Variants in NRG3 observed in about 807,000 individuals in gnomAD.
NRG3 encodes neuregulin 3.
A neutral mutation model predicts 66.9 loss-of-function variants in NRG3; 31 were observed. The observed-to-expected ratio is 0.46, with a 90% confidence interval of 0.35 to 0.63. The LOEUF (loss-of-function observed/expected upper bound fraction) is 0.63, where lower values mean the gene tolerates loss of function less well. Among genes scored for constraint, NRG3 ranks in the 20% least tolerant of loss-of-function variants. The probability of loss-of-function intolerance (pLI) is 0.00; values close to 1 mark genes in which losing one functional copy is unlikely to be tolerated. For missense variants in NRG3, 910 were observed against 878.9 expected, an observed-to-expected ratio of 1.04 and a Z score of -0.45; for synonymous variants, 393 against 359.4, an observed-to-expected ratio of 1.09 and a Z score of -1.06.
Position 82,973,833 on chromosome 10 carries a change from A to G in NRG3, c.1330A>G (p.Met444Val), listed in dbSNP as rs751975528. The change falls in exon 7 of 9, where the codon ATG becomes GTG. Residue 444 changes from methionine (M) to valine (V), a missense_variant. Transcript: ENST00000372141. ...RHPVTALEKM[M>V]ESSFVGPQSF... The stretch of plus-strand genomic sequence containing the variant: ...TCCTGTGACTGCATTGGAGAAAATG[A>G]TGGAGTCAAGTTTTGTCGGCCCCCA... 6.2e-7 allele frequency: 1 copy of G among 1,614,022 alleles called. No individual in the cohort carries two copies. Among genetic ancestry groups the G allele is most frequent in the Admixed American group, 1.7e-5 (1 of 59,994 alleles).
chr10:82,123,016 A>G (rs1198891550), intron 1 of NRG3, among the ~76,000 whole-genome samples: 1 of 149,904 alleles, frequency 6.7e-6, no homozygotes, highest in African/African-American at 2.4e-5. Flanking sequence ...AAAAAAAAAA[A>G]CACATAAGAA....
At chr10:82,816,191 T>A (rs965362327) in intron 3 of NRG3, among the ~76,000 whole-genome samples, 3 of 152,278 alleles carry the variant, frequency 2.0e-5, no homozygotes, top group South Asian at 4.2e-4. Flanking sequence ...AGGTGAGGTG[T>A]TTCAGCCATG....
intron 2 of NRG3, among the ~76,000 whole-genome samples, chr10:82,722,232 T>C (rs1306706169): frequency 6.6e-6 from 1 of 152,244 alleles, no homozygotes; most frequent in Non-Finnish European, 1.5e-5. Context: ...TGTTGAAACA[T>C]GCTCTTTATT....
chr10:82,961,652 C>T (rs1265170263), intron 6 of NRG3, among the ~76,000 whole-genome samples: 1 of 152,118 alleles, frequency 6.6e-6, no homozygotes, highest in African/African-American at 2.4e-5. Context: ...TAGTGGGTAG[C>T]GGTCATTGGC....
At chr10:82,259,453 A>C (rs868371951) in intron 1 of NRG3, among the ~76,000 whole-genome samples, 1 of 152,198 alleles carries the variant, frequency 6.6e-6, no homozygotes. Flanking sequence ...CAGGATGTTT[A>C]TGAAAATTCC....
At chr10:82,367,976 C>A (rs927102391) in intron 2 of NRG3, among the ~76,000 whole-genome samples, 3 of 152,104 alleles carry the variant, frequency 2.0e-5, no homozygotes, top group Non-Finnish European at 4.4e-5. Flanking sequence ...GCACTCCAGC[C>A]TAGGTGACAG....
chr10:82,625,294 T>TA (rs1565140438), intron 2 of NRG3, among the ~76,000 whole-genome samples: 1 of 151,606 alleles, frequency 6.6e-6, no homozygotes, highest in South Asian at 2.1e-4. Flanking sequence ...TGCTTTTAGT[T>TA]AGAAAAGAAA....
chr10:82,680,782 A>G (rs2134118407), intron 2 of NRG3, among the ~76,000 whole-genome samples: 1 of 152,356 alleles, frequency 6.6e-6, no homozygotes, highest in South Asian at 2.1e-4. Flanking sequence ...CCCTAGTTTC[A>G]CTAGGCAGTT....
rs538617420 is a variant in NRG3, at chr10:82,686,895, G to A, written c.954-51682G>A. ...TGCATATTTTAGCTCTGAAGAGAACGATAACAGAACTTGACTGGGAGTTGT... is the reference window on the plus strand; with the variant it reads ...TGCATATTTTAGCTCTGAAGAGAACAATAACAGAACTTGACTGGGAGTTGT... On this transcript the variant is annotated intron_variant, in intron 2 of 8. Transcript: ENST00000372141. Among the ~76,000 whole-genome samples, 8 of 152,278 alleles carry A rather than the reference G, an allele frequency of 5.3e-5. No homozygotes were observed. The South Asian group carries it at 6.2e-4, about 12-fold the overall frequency.
intron 1 of NRG3, among the ~76,000 whole-genome samples, chr10:82,094,858 T>C (rs2066236633): frequency 1.3e-5 from 2 of 152,044 alleles, no homozygotes; most frequent in Non-Finnish European, 2.9e-5. Flanking sequence ...GGACATACAG[T>C]ATGGAATAAT....
intron 1 of NRG3, among the ~76,000 whole-genome samples, chr10:81,917,841 T>C (rs970466113): frequency 1.3e-5 from 2 of 152,168 alleles, no homozygotes; most frequent in East Asian, 1.9e-4. Flanking sequence ...GCAGGAATCA[T>C]TGTGAGCTTT....
chr10:82,267,833 A>G (rs1371758236), intron 1 of NRG3, among the ~76,000 whole-genome samples: 2 of 152,120 alleles, frequency 1.3e-5, no homozygotes, highest in African/African-American at 4.8e-5. Context: ...CTCTCACTAC[A>G]TTTGTGGTGG....
chr10:82,708,467 T>C (rs531359288), intron 2 of NRG3, among the ~76,000 whole-genome samples: 34 of 152,328 alleles, frequency 2.2e-4, no homozygotes, highest in Admixed American at 1.8e-3. Flanking sequence ...TCCTCTCACT[T>C]GCCATCCTCA....
chr10:82,711,535 TTGTGTGTGTGTG>T (rs10603040), intron 2 of NRG3, among the ~76,000 whole-genome samples: 4 of 148,392 alleles, frequency 2.7e-5, no homozygotes, highest in Non-Finnish European at 4.5e-5. Context: ...ATCTGTGTGT[TTGTGTGTGTGTG>T]TGTGTGTGTG....
In NRG3 at chr10:82,726,418, C is replaced by T. The variant is rs771056942; in HGVS notation, c.954-12159C>T. Among the ~76,000 whole-genome samples the T allele has an allele frequency of 3.6e-4, 54 of 152,014 alleles. 1 individual carries two copies. The highest frequency in any genetic ancestry group is 1.1e-3 in the African/African-American group (46 of 41,378). ...GTGGGAGGTAATTGAATCATGGGGG[C>T]GAGTCTTTCCCGTGCGGTTCTCATG... On this transcript the variant is annotated intron_variant, in intron 2 of 8. Transcript: ENST00000372141.
At chr10:82,299,881 G>T (rs1249441713) in intron 1 of NRG3, among the ~76,000 whole-genome samples, 1 of 152,152 alleles carries the variant, frequency 6.6e-6, no homozygotes, top group African/African-American at 2.4e-5. Context: ...ATCTGTAGAA[G>T]CAGAAGAGAT....
At chr10:82,320,846 T>G (rs1342775087) in intron 1 of NRG3, among the ~76,000 whole-genome samples, 1 of 152,132 alleles carries the variant, frequency 6.6e-6, no homozygotes, top group African/African-American at 2.4e-5. Flanking sequence ...CCAAGACCAA[T>G]CTGGCTTACC....
chr10:81,925,515 C>G (rs1404422036), intron 1 of NRG3, among the ~76,000 whole-genome samples: 2 of 152,156 alleles, frequency 1.3e-5, no homozygotes, highest in Non-Finnish European at 2.9e-5. Context: ...TTTGTAAGGG[C>G]TGCCACACTG....
At chr10:82,004,357 G>T (rs528412268) in intron 1 of NRG3, among the ~76,000 whole-genome samples, 3 of 152,270 alleles carry the variant, frequency 2.0e-5, no homozygotes, top group African/African-American at 7.2e-5. Context: ...GGATAATCTA[G>T]TAGAGAGAAA....
Sources: allele counts gnomAD v4.1 joint callset (sites outside exome capture counted in the v4.1 genomes callset), GRCh38; gene constraint gnomAD v4.1.1; transcripts MANE v1.5; gene names NCBI Gene and HGNC (gene_info 2026-07-23, HGNC 2026-07-21).